Variants in PARN observed in about 807,000 individuals in gnomAD.
PARN encodes the protein poly(A)-specific ribonuclease.
Under a neutral mutation model 102.8 loss-of-function variants are expected in PARN, and 71 were observed. That is an observed-to-expected ratio of 0.69 (90% confidence interval 0.57 to 0.84). PARN has a LOEUF of 0.84. PARN is among the 40% of genes least tolerant of loss of function. The probability of loss-of-function intolerance (pLI) is 0.00; values close to 1 mark genes in which losing one functional copy is unlikely to be tolerated. For missense variants in PARN, 782 were observed against 760.9 expected (o/e 1.03, Z -0.33); for synonymous variants, 261 against 252.9 (o/e 1.03, Z -0.30).
chr16:14,532,912 A>G (rs1457990476), intron 21 of PARN, among the ~76,000 whole-genome samples: 17 of 151,602 alleles, frequency 1.1e-4, no homozygotes, highest in Admixed American at 1.1e-3. Context: ...GGGGCTCCTC[A>G]CTTTCCAGAC....
At chr16:14,591,354 G>A (rs1203827817) in intron 13 of PARN, among the ~76,000 whole-genome samples, 1 of 150,258 alleles carries the variant, frequency 6.7e-6, no homozygotes, top group African/African-American at 2.5e-5. Flanking sequence ...TTGCACCACT[G>A]CACTCCAGCC....
At chr16:14,473,209 G>A (rs1021290500) in intron 22 of PARN, among the ~76,000 whole-genome samples, 5 of 152,180 alleles carry the variant, frequency 3.3e-5, no homozygotes, top group South Asian at 2.1e-4. Context: ...GAGAAGCTGC[G>A]AGTGAGGAAT....
At chr16:14,486,101 T>G (rs1963671364) in intron 21 of PARN, among the ~76,000 whole-genome samples, 1 of 151,584 alleles carries the variant, frequency 6.6e-6, no homozygotes, top group South Asian at 2.1e-4. Context: ...ATGCCTACAG[T>G]CCCAGCACTC....
intron 22 of PARN, among the ~76,000 whole-genome samples, chr16:14,477,525 C>A (rs1963132511): frequency 6.6e-6 from 1 of 151,722 alleles, no homozygotes; most frequent in Admixed American, 6.6e-5. Flanking sequence ...CAGCTGTAAT[C>A]CCAGCACTTT....
chr16:14,444,886 C>G (rs541665598), intron 23 of PARN, among the ~76,000 whole-genome samples: 48 of 152,136 alleles, frequency 3.2e-4, no homozygotes, highest in African/African-American at 1.2e-3. Flanking sequence ...CTGATGCGAT[C>G]ATAGCTCACT....
intron 5 of PARN, among the ~76,000 whole-genome samples, chr16:14,621,081 C>T (rs762950699): frequency 4.1e-4 from 63 of 152,284 alleles, no homozygotes; most frequent in Non-Finnish European, 6.8e-4. Flanking sequence ...TCACTTCCAT[C>T]GTGTCCAGGC....
intron 22 of PARN, among the ~76,000 whole-genome samples, chr16:14,477,621 G>T (rs551821451): frequency 6.7e-6 from 1 of 148,718 alleles, no homozygotes; most frequent in African/African-American, 2.5e-5. Flanking sequence ...ACTAAAAATC[G>T]AAAAAAAATT....
At chr16:14,536,021 G>A (rs1966591751) in intron 21 of PARN, among the ~76,000 whole-genome samples, 1 of 151,884 alleles carries the variant, frequency 6.6e-6, no homozygotes, top group Admixed American at 6.6e-5. Context: ...TGCTTTTTTA[G>A]TCTTAAATTT....
chr16:14,629,701 G>C (rs1194874103), intron 1 of PARN, 27 bp from the exon 2 acceptor site: 1 of 1,538,188 alleles, frequency 6.5e-7, no homozygotes, highest in Non-Finnish European at 9.0e-7. Flanking sequence ...AAGAGGCTCA[G>C]AACCAGTGGC....
chr16:14,487,282 T>C (rs1963765135), intron 21 of PARN, among the ~76,000 whole-genome samples: 1 of 152,258 alleles, frequency 6.6e-6, no homozygotes, highest in African/African-American at 2.4e-5. Context: ...GGCATTTATA[T>C]ATACATTTTA....
At chr16:14,625,350 A>T (rs895551241) in intron 5 of PARN, among the ~76,000 whole-genome samples, 3 of 152,074 alleles carry the variant, frequency 2.0e-5, no homozygotes, top group African/African-American at 7.2e-5. Flanking sequence ...ATACAAAATT[A>T]GCTGAGCATC....
chr16:14,477,427 G>A (rs568233552), intron 22 of PARN, among the ~76,000 whole-genome samples: 1 of 145,954 alleles, frequency 6.9e-6, no homozygotes, highest in Non-Finnish European at 1.5e-5. Context: ...GCAACAGAGC[G>A]AGAGTTCGTC....
chr16:14,534,606 TA>T (rs1567357737), intron 21 of PARN, among the ~76,000 whole-genome samples: 2 of 152,110 alleles, frequency 1.3e-5, no homozygotes, highest in Admixed American at 6.5e-5. Context: ...TACATAATAT[TA>T]AAAAAAGACT....
At chr16:14,457,670 T>C (rs1018558228) in intron 22 of PARN, among the ~76,000 whole-genome samples, 1 of 151,212 alleles carries the variant, frequency 6.6e-6, no homozygotes, top group East Asian at 1.9e-4. Context: ...TCATGGTGTA[T>C]GCCTGTAATC....
intron 18 of PARN, among the ~76,000 whole-genome samples, chr16:14,564,669 G>A (rs77184320): frequency 0.042 from 6,427 of 152,224 alleles, 147 homozygotes; most frequent in African/African-American, 0.051. Context: ...CTAATGTCAT[G>A]ACATGTGTTA....
At chr16:14,501,083 T>C (rs915787903) in intron 21 of PARN, among the ~76,000 whole-genome samples, 4 of 151,888 alleles carry the variant, frequency 2.6e-5, no homozygotes, top group Admixed American at 6.6e-5. Flanking sequence ...ACTAATTCCC[T>C]TGAGGACATG....
chr16:14,506,855 T>C (rs1332540001), intron 21 of PARN, among the ~76,000 whole-genome samples: 1 of 151,566 alleles, frequency 6.6e-6, no homozygotes, highest in Non-Finnish European at 1.5e-5. Flanking sequence ...TGGGAGAAAA[T>C]ATTAATAAAA....
intron 22 of PARN, among the ~76,000 whole-genome samples, chr16:14,455,988 T>C (rs1350903512): frequency 1.3e-5 from 2 of 152,150 alleles, no homozygotes; most frequent in African/African-American, 2.4e-5. Flanking sequence ...TTCTCACAAT[T>C]TGGAATAAGA....
intron 18 of PARN, among the ~76,000 whole-genome samples, chr16:14,561,352 A>G (rs1465112929): frequency 6.6e-6 from 1 of 152,156 alleles, no homozygotes; most frequent in Non-Finnish European, 1.5e-5. Flanking sequence ...CAAATTCCCA[A>G]GCGCCATCCA....
Sources: gnomAD v4.1 joint callset for allele counts (sites outside exome capture counted in the v4.1 genomes callset) on GRCh38, gnomAD v4.1.1 for gene constraint, MANE v1.5 for transcripts, NCBI Gene and HGNC (gene_info 2026-07-23, HGNC 2026-07-21) for gene names.